SH3BP1: variants seen among roughly 807,000 people sequenced by gnomAD.
SH3BP1 encodes the protein SH3 domain binding protein 1, also known as SH3 domain-binding protein 1.
A neutral mutation model predicts 69.8 loss-of-function variants in SH3BP1; 46 were observed. That is an observed-to-expected ratio of 0.66 (90% CI 0.52 to 0.84). SH3BP1 has a LOEUF of 0.84. Ranked by LOEUF, SH3BP1 falls within the 40% of genes least tolerant of loss-of-function variation. The pLI, the probability that SH3BP1 is intolerant of heterozygous loss-of-function variation, is 0.00. For synonymous variants in SH3BP1, 403 were observed against 378.0 expected, an observed-to-expected ratio of 1.07 and a Z score of -0.77; for missense variants, 868 against 930.9, an observed-to-expected ratio of 0.93 and a Z score of 0.88.
chr22:37,655,279 C>T lies in SH3BP1; in HGVS notation c.1701C>T (p.Arg567=), dbSNP rs749243702. The change falls in exon 18 of 18, where the codon CGC becomes CGT. Residue 567 remains arginine (R), a synonymous_variant. Coordinates refer to ENST00000649765, the MANE Select transcript of SH3BP1 (RefSeq NM_018957.6). ...PVEDMARRTK[R]PAPARPTMPP... ...CCTTTCCTTCCTCAACAGCCAAGCG[C>T]CCGGCGCCAGCCCGGCCCACCATGC... is the stretch of plus-strand genomic sequence containing the variant. 1 of 1,582,674 alleles carries T rather than the reference C, an allele frequency of 6.3e-7. No individual in the cohort carries two copies. Among genetic ancestry groups the T allele is most frequent in the Non-Finnish European group, 8.6e-7 (1 of 1,166,960 alleles).
At chr22:37,650,093 C>G in intron 14 of SH3BP1, 59 bp from the exon 15 acceptor site, 4 of 1,579,216 alleles carry the variant, frequency 2.5e-6, no homozygotes, top group Non-Finnish European at 3.5e-6. Context: ...CAGCACAGAG[C>G]CAGCCAGAGA....
In SH3BP1 at chr22:37,646,800, G is replaced by T. The variant is rs1569008122; in HGVS notation, c.925-18G>T. 2.0e-6 allele frequency: 3 copies of T among 1,478,758 alleles called. No individual in the cohort carries two copies. Among genetic ancestry groups the T allele is most frequent in the Non-Finnish European group, 2.7e-6 (3 of 1,111,158 alleles). 91.6% of individuals were successfully genotyped at this position (1,478,758 alleles called of 1,614,324 possible). On this transcript the variant is annotated intron_variant, in intron 10 of 17. Transcript: ENST00000649765. ...GCCCACCCCTCTGTGACCCTTGCCT[G>T]CCTCCTCTCGAACCCAGGGTCTCTT...
At chr22:37,644,610 G>T in intron 7 of SH3BP1, 27 bp from the exon 8 acceptor site, 1 of 1,612,646 alleles carries the variant, frequency 6.2e-7, no homozygotes, top group Non-Finnish European at 8.5e-7. Context: ...CTCACCCAAC[G>T]TAAGCTCTCC....
intron 16 of SH3BP1, among the ~76,000 whole-genome samples, chr22:37,652,910 T>C (rs1601590402): frequency 7.0e-6 from 1 of 143,098 alleles, no homozygotes; most frequent in South Asian, 2.2e-4. Flanking sequence ...CTGAAGCAGG[T>C]GGATCACTTG....
intron 16 of SH3BP1, among the ~76,000 whole-genome samples, chr22:37,652,027 T>G (rs2051593): frequency 0.077 from 11,754 of 152,068 alleles, 943 homozygotes; most frequent in East Asian, 0.22. Flanking sequence ...GGCCAAAGCA[T>G]CTCATAAAGA....
rs1287570896 is a variant in SH3BP1 at position 37,644,902 on chromosome 22, G to C, written c.720G>C (p.Arg240Ser). ...LLEIQADYHRRSLSSLDTALA... is the reference protein window; with the variant it reads ...LLEIQADYHRSSLSSLDTALA... ...AGATTCAGGCCGATTACCATCGCAGGTCACTGAGCTCGCTGGACACAGCCC... is the reference window on the plus strand; with the variant it reads ...AGATTCAGGCCGATTACCATCGCAGCTCACTGAGCTCGCTGGACACAGCCC... Residue 240 changes from arginine (R) to serine (S), a missense_variant, in exon 9 of 18, where the codon AGG (arginine) becomes AGC (serine). Around this residue, in one of 3 missense-constraint regions of SH3BP1, gnomAD observed 387 missense variants for 447.9 expected, o/e 0.86. Coordinates refer to ENST00000649765, the MANE Select transcript of SH3BP1 (RefSeq NM_018957.6). The C allele has an allele frequency of 6.2e-7, 1 of 1,613,930 alleles. No individual in the cohort carries two copies.
chr22:37,647,593 T>C, intron 13 of SH3BP1, 72 bp downstream of exon 13: 1 of 1,259,892 alleles, frequency 7.9e-7, no homozygotes, highest in Non-Finnish European at 1.1e-6. Flanking sequence ...CCTGGGACCC[T>C]GGGCTTGAGC....
At chr22:37,641,640 C>A (rs981278651) in intron 3 of SH3BP1, among the ~76,000 whole-genome samples, 162 bp downstream of exon 3, 4 of 152,180 alleles carry the variant, frequency 2.6e-5, no homozygotes, top group Admixed American at 1.3e-4. Flanking sequence ...CTCAAGAGGC[C>A]CTATACCTTC....
intron 16 of SH3BP1, 169 bp downstream of exon 16, chr22:37,650,894 C>T (rs1290772443): frequency 1.3e-5 from 11 of 829,282 alleles, no homozygotes; most frequent in East Asian, 5.7e-5. Flanking sequence ...GACTCAGAGG[C>T]GGAATTTGTC....
chr22:37,654,571 CAA>C (rs532974366), intron 17 of SH3BP1, among the ~76,000 whole-genome samples: 5 of 122,516 alleles, frequency 4.1e-5, no homozygotes, highest in Admixed American at 8.4e-5. Context: ...GACTCTGTCT[CAA>C]AAAAAAAAAA....
chr22:37,650,348 G>A lies in SH3BP1; in HGVS notation c.1414+99G>A, dbSNP rs1349805096. ...AAACTCACCATAAGTCCAGGAGGAA[G>A]TCTGAGCCTCAGTTTCTCATTTTTA... On this transcript the variant is annotated intron_variant, in intron 15 of 17. Transcript: ENST00000649765. 2.3e-5 allele frequency: 35 copies of A among 1,505,152 alleles called. No homozygotes were observed. The East Asian group carries it at 4.0e-4, about 17-fold the overall frequency. 93.2% of individuals were successfully genotyped at this position (1,505,152 alleles called of 1,614,324 possible).
chr22:37,653,524 G>T (rs1932929155), intron 16 of SH3BP1, among the ~76,000 whole-genome samples: 1 of 152,148 alleles, frequency 6.6e-6, no homozygotes, highest in East Asian at 1.9e-4. Flanking sequence ...TACCAGGCAG[G>T]TGGGGCTCCC....
chr22:37,644,804 C>T, intron 8 of SH3BP1, 66 bp from the exon 9 acceptor site: 1 of 1,605,244 alleles, frequency 6.2e-7, no homozygotes, highest in African/African-American at 1.3e-5. Context: ...GGCGTCTGCT[C>T]TCAAGGACCC....
At chr22:37,650,497 C>A (rs1486657776) in intron 15 of SH3BP1, 45 bp from the exon 16 acceptor site, 3 of 1,571,250 alleles carry the variant, frequency 1.9e-6, no homozygotes, top group Non-Finnish European at 2.6e-6. Flanking sequence ...GAGTGAGGAG[C>A]CTGGCGCGGT....
chr22:37,649,875 T>A, intron 14 of SH3BP1: 3 of 544,304 alleles, frequency 5.5e-6, no homozygotes, highest in Non-Finnish European at 1.0e-5. Flanking sequence ...TGGCAAGATT[T>A]CCTCCCACGT....
At chr22:37,649,981 G>T in intron 14 of SH3BP1, 171 bp from the exon 15 acceptor site, 1 of 760,100 alleles carries the variant, frequency 1.3e-6, no homozygotes. Context: ...TGAAGGAAGG[G>T]GGACATTTGG....
chr22:37,653,951 CTT>C, intron 17 of SH3BP1, 78 bp downstream of exon 17: 1 of 1,076,108 alleles, frequency 9.3e-7, no homozygotes, highest in East Asian at 2.5e-5. Context: ...GTCCTCCTAT[CTT>C]TTTAGGCAGC....
intron 3 of SH3BP1, chr22:37,641,780 T>C (rs1424838967): frequency 1.1e-5 from 4 of 351,858 alleles, no homozygotes; most frequent in African/African-American, 8.5e-5. Context: ...CCTCAGAGGG[T>C]TTCCTGAAGG....
At chr22:37,654,158 C>T (rs1278856430) in intron 17 of SH3BP1, among the ~76,000 whole-genome samples, 1 of 152,182 alleles carries the variant, frequency 6.6e-6, no homozygotes, top group Non-Finnish European at 1.5e-5. Flanking sequence ...GAGTGCCTGG[C>T]CCTGGCACAC....
Sources: allele counts gnomAD v4.1 joint callset (sites outside exome capture counted in the v4.1 genomes callset), GRCh38; gene constraint gnomAD v4.1.1; regional missense constraint gnomAD v4.1.1; transcripts MANE v1.5; gene names NCBI Gene and HGNC (gene_info 2026-07-23, HGNC 2026-07-21).